MBOAT2: variants seen among roughly 807,000 people sequenced by gnomAD.
MBOAT2 encodes the protein membrane-bound glycerophospholipid O-acyltransferase 2.
A neutral mutation model predicts 63.4 loss-of-function variants in MBOAT2; 28 were observed. The ratio of observed to expected loss-of-function variants is 0.44; its 90% CI spans 0.33 to 0.61. The LOEUF (loss-of-function observed/expected upper bound fraction) is 0.61. Ranked by LOEUF, MBOAT2 falls within the 20% of genes least tolerant of loss-of-function variation. MBOAT2 has a pLI of 0.03. For synonymous variants in MBOAT2, 211 were observed against 215.6 expected (o/e 0.98, Z 0.19); for missense variants, 470 against 605.8 (o/e 0.78, Z 2.35).
At chr2:8,909,953 C>T (rs1665594332) in intron 3 of MBOAT2, among the ~76,000 whole-genome samples, 2 of 152,230 alleles carry the variant, frequency 1.3e-5, no homozygotes, top group African/African-American at 2.4e-5. Flanking sequence ...TACCTCGCTG[C>T]CCACCTCTAA....
chr2:8,987,931 T>C (rs1369418814), intron 1 of MBOAT2, among the ~76,000 whole-genome samples: 1 of 152,236 alleles, frequency 6.6e-6, no homozygotes, highest in East Asian at 1.9e-4. Flanking sequence ...ATGATAAAGA[T>C]GTATTACTTT....
intron 6 of MBOAT2, among the ~76,000 whole-genome samples, chr2:8,882,302 C>G (rs951246787): frequency 1.3e-5 from 2 of 152,166 alleles, no homozygotes; most frequent in African/African-American, 4.8e-5. Flanking sequence ...AATGTACAAT[C>G]GCAGAGGCAG....
rs1296335320 is a variant in MBOAT2, at chr2:8,943,223, C to G, written c.263G>C (p.Cys88Ser). Reference sequence around the variant, plus strand: ...CTCCACTCCTATGATGATCATGATACAGTAGGAAATTCCACTTTGTACAAG... The same window carrying G: ...CTCCACTCCTATGATGATCATGATAGAGTAGGAAATTCCACTTTGTACAAG... ...HFLVQSGISY[C>S]IMIIIGVENM... The change falls in exon 3 of 13, where the codon TGT becomes TCT. Residue 88 changes from cysteine to serine, a missense_variant. Coordinates refer to ENST00000305997, the MANE Select transcript of MBOAT2 (RefSeq NM_138799.4). 5 of 1,587,716 alleles carry G rather than the reference C, an allele frequency of 3.1e-6. No homozygotes were observed. In the South Asian group the frequency reaches 4.6e-5, roughly 15 times the overall value.
chr2:8,862,288 A>G lies in MBOAT2; in HGVS notation c.1185+302T>C. On this transcript the variant is annotated intron_variant, in intron 11 of 12. Transcript: ENST00000305997. This position sits in a 1 kb window ranked among gnomAD's most constrained non-coding sequence, Gnocchi z 4.3. ...AAACCTACCCATTCTGATCATCTTT[A>G]TTTAACTCAGTTTTTATCTCTCCTT... 1 of 1,326,290 alleles carries G rather than the reference A, an allele frequency of 7.5e-7. No homozygotes were observed. The highest frequency in any genetic ancestry group is 1.2e-5 in the South Asian group (1 of 80,624). The allele number at this position is 1,326,290 out of a possible 1,614,324, so 82.2% of individuals were successfully genotyped here.
At chr2:8,921,235 T>C (rs534038747) in intron 3 of MBOAT2, among the ~76,000 whole-genome samples, 97 of 152,330 alleles carry the variant, frequency 6.4e-4, no homozygotes, top group African/African-American at 1.7e-3. Context: ...TTTCAATGTA[T>C]ACTTTTTATT....
At chr2:8,929,447 G>A (rs1667163380) in intron 3 of MBOAT2, among the ~76,000 whole-genome samples, 1 of 152,164 alleles carries the variant, frequency 6.6e-6, no homozygotes, top group South Asian at 2.1e-4. Flanking sequence ...GACCTCCTAG[G>A]CTCAAGCAAT....
chr2:8,860,135 C>T (rs1311548877), intron 12 of MBOAT2, among the ~76,000 whole-genome samples: 5 of 151,610 alleles, frequency 3.3e-5, no homozygotes, highest in African/African-American at 9.7e-5. Context: ...TGCAGTGAGC[C>T]GAGCGAGATT....
At chr2:8,978,430 A>G (rs1336238247) in intron 1 of MBOAT2, among the ~76,000 whole-genome samples, 1 of 152,168 alleles carries the variant, frequency 6.6e-6, no homozygotes, top group East Asian at 1.9e-4. Flanking sequence ...GATCTTGTAA[A>G]CAATTTTACT....
chr2:8,895,142 G>A (rs1217363996), intron 4 of MBOAT2, among the ~76,000 whole-genome samples: 10 of 152,222 alleles, frequency 6.6e-5, no homozygotes, highest in Non-Finnish European at 1.5e-5. Context: ...GCGTGGAAAC[G>A]GACCCTAGCG....
intron 2 of MBOAT2, among the ~76,000 whole-genome samples, chr2:8,955,234 C>T (rs1669130700): frequency 6.6e-6 from 1 of 152,200 alleles, no homozygotes; most frequent in Non-Finnish European, 1.5e-5. Flanking sequence ...GTTCTCCATC[C>T]CAGGTCTGGG....
intron 2 of MBOAT2, among the ~76,000 whole-genome samples, chr2:8,957,080 T>G (rs1236521004): frequency 2.0e-5 from 3 of 152,192 alleles, no homozygotes; most frequent in African/African-American, 7.2e-5. Flanking sequence ...ATGTATAGAC[T>G]GGGATATACT....
At chr2:8,859,045 C>T (rs943529568) in intron 12 of MBOAT2, 141 bp from the exon 13 acceptor site, 2 of 677,842 alleles carry the variant, frequency 3.0e-6, no homozygotes, top group Non-Finnish European at 4.9e-6. Context: ...ATTTTTCCCC[C>T]TCAGGAGAAG....
At chr2:8,928,012 C>T (rs1375149598) in intron 3 of MBOAT2, among the ~76,000 whole-genome samples, 2 of 152,124 alleles carry the variant, frequency 1.3e-5, no homozygotes, top group East Asian at 1.9e-4. Context: ...GGAGCAGCCA[C>T]ATCACATGGC....
chr2:8,902,853 AG>A (rs1272627875), intron 4 of MBOAT2, among the ~76,000 whole-genome samples: 1 of 152,200 alleles, frequency 6.6e-6, no homozygotes, highest in Non-Finnish European at 1.5e-5. Flanking sequence ...ACAGCGTGGA[AG>A]GGGACACAAG....
chr2:8,928,868 GA>G (rs901482976), intron 3 of MBOAT2, among the ~76,000 whole-genome samples: 131 of 152,298 alleles, frequency 8.6e-4, no homozygotes, highest in African/African-American at 3.0e-3. Flanking sequence ...TTATTACTAT[GA>G]AAATAGTTTT....
intron 1 of MBOAT2, among the ~76,000 whole-genome samples, chr2:8,960,622 C>T (rs1222009391): frequency 1.3e-5 from 2 of 152,178 alleles, no homozygotes; most frequent in South Asian, 2.1e-4. Context: ...TCTATTCATA[C>T]ATTACAAGAC....
intron 1 of MBOAT2, among the ~76,000 whole-genome samples, chr2:8,989,340 T>C (rs1671771664): frequency 1.3e-5 from 2 of 152,206 alleles, no homozygotes; most frequent in Non-Finnish European, 2.9e-5. Context: ...TCATGGGTTC[T>C]ATCATTGGCT....
chr2:8,880,298 A>C (rs1439763806), intron 6 of MBOAT2, among the ~76,000 whole-genome samples: 3 of 152,190 alleles, frequency 2.0e-5, no homozygotes, highest in African/African-American at 7.2e-5. Flanking sequence ...AGGAAGGGCT[A>C]ACTTGACTTG....
chr2:8,919,702 A>G (rs545523110), intron 3 of MBOAT2, among the ~76,000 whole-genome samples: 8 of 152,252 alleles, frequency 5.3e-5, no homozygotes, highest in African/African-American at 1.9e-4. Context: ...TTTGAATAGT[A>G]AAAGTTTTAA....
Sources: gnomAD v4.1 joint callset for allele counts (sites outside exome capture counted in the v4.1 genomes callset) on GRCh38, gnomAD v4.1.1 for gene constraint, Gnocchi (gnomAD v3.1) non-coding constraint, MANE v1.5 for transcripts, NCBI Gene and HGNC (gene_info 2026-07-23, HGNC 2026-07-21) for gene names.